Variants in BAG3 observed in about 807,000 individuals in gnomAD.
The protein encoded by BAG3 is BAG family molecular chaperone regulator 3.
In BAG3, 14 loss-of-function variants were observed where a neutral mutation model predicts 40.5. The observed-to-expected ratio is 0.35, with a 90% CI of 0.23 to 0.54. The LOEUF (loss-of-function observed/expected upper bound fraction) is 0.54, where lower values mean the gene tolerates loss of function less well. BAG3 is among the 20% of genes least tolerant of loss of function. BAG3 has a pLI of 0.91. For synonymous variants in BAG3, 302 were observed against 307.8 expected, an observed-to-expected ratio of 0.98 and a Z score of 0.20; for missense variants, 788 against 758.6, an observed-to-expected ratio of 1.04 and a Z score of -0.46.
At chr10:119,661,119 G>C (rs941060586) in intron 1 of BAG3, among the ~76,000 whole-genome samples, 1 of 152,058 alleles carries the variant, frequency 6.6e-6, no homozygotes, top group Non-Finnish European at 1.5e-5. Context: ...AATTAGCTGG[G>C]CGTGGTGGCA....
Position 119,672,121 on chromosome 10 carries a change from A to G in BAG3, c.508-134A>G. The G allele has an allele frequency of 7.7e-7, 1 of 1,299,100 alleles. No homozygotes were observed. Among genetic ancestry groups the G allele is most frequent in the Non-Finnish European group, 1.1e-6 (1 of 915,332 alleles). 80.5% of individuals were successfully genotyped at this position (1,299,100 alleles called of 1,614,324 possible). A position where few individuals can be genotyped will look rare whatever the true frequency, so the allele number is the denominator to read the frequency against. Reference sequence around the variant, plus strand: ...TCTCAGTCTTAACCGCACATTTTGAAAATTGAAAATTACAGATAGGAGGTC... The same window carrying G: ...TCTCAGTCTTAACCGCACATTTTGAGAATTGAAAATTACAGATAGGAGGTC... On this transcript the variant is annotated intron_variant, in intron 2 of 3. Transcript: ENST00000369085. This position sits in a 1 kb window ranked among gnomAD's most constrained non-coding sequence, Gnocchi z 4.8.
intron 1 of BAG3, 78 bp from the exon 2 acceptor site, chr10:119,669,773 C>A: frequency 7.1e-7 from 1 of 1,409,594 alleles, no homozygotes; most frequent in Non-Finnish European, 1.0e-6. Context: ...CAATGCCAAG[C>A]GCCACAGTGT....
intron 1 of BAG3, among the ~76,000 whole-genome samples, chr10:119,666,540 C>G (rs916930674): frequency 5.4e-5 from 2 of 36,844 alleles, no homozygotes; most frequent in African/African-American, 1.0e-4. Context: ...TCAATGGAGG[C>G]ACAAAATGTG....
rs754210695 is a variant in BAG3, at chr10:119,651,658, G to A, written c.-18G>A. ...AGCGCCCCGCACCCGCGCCCCAGCGGGCAGACCCCAACCCAGCATGAGCGC... is the reference window on the plus strand; with the variant it reads ...AGCGCCCCGCACCCGCGCCCCAGCGAGCAGACCCCAACCCAGCATGAGCGC... On this transcript the variant is annotated 5_prime_UTR_variant, in exon 1 of 4. Coordinates refer to ENST00000369085, the MANE Select transcript of BAG3 (RefSeq NM_004281.4). 1.5e-4 allele frequency: 230 copies of A among 1,545,974 alleles called. No homozygotes were observed. The highest frequency in any genetic ancestry group is 1.9e-4 in the Non-Finnish European group (216 of 1,147,056).
chr10:119,654,613 C>T (rs1287332662), intron 1 of BAG3, among the ~76,000 whole-genome samples: 1 of 152,236 alleles, frequency 6.6e-6, no homozygotes, highest in African/African-American at 2.4e-5. Flanking sequence ...TGGGCTTCAT[C>T]CAGCCCCATT....
intron 1 of BAG3, among the ~76,000 whole-genome samples, chr10:119,664,035 C>T (rs1185167638): frequency 1.3e-5 from 2 of 152,130 alleles, no homozygotes; most frequent in African/African-American, 2.4e-5. Context: ...GAGCCACTTC[C>T]GTAACACATG....
Position 119,651,489 on chromosome 10 carries a change from T to G in BAG3, c.-187T>G, listed in dbSNP as rs1846837591. ...CCTTCCCCTCTGGCAGCGAGGAGGC[T>G]ATTTCCAGACACTTCCACCCCTCTC... is the stretch of plus-strand genomic sequence containing the variant. On this transcript the variant is annotated 5_prime_UTR_variant, in exon 1 of 4. Coordinates refer to ENST00000369085, the MANE Select transcript of BAG3 (RefSeq NM_004281.4). 1 of 470,434 alleles carries G rather than the reference T, an allele frequency of 2.1e-6. No homozygotes were observed. The highest frequency in any genetic ancestry group is 3.6e-6 in the Non-Finnish European group (1 of 279,562). The allele number at this position is 470,434 out of a possible 1,614,324, so 29.1% of individuals were successfully genotyped here. A position where few individuals can be genotyped will look rare whatever the true frequency, so the allele number is the denominator to read the frequency against.
Position 119,676,427 on chromosome 10 carries a change from C to A in BAG3, c.910-37C>A. 3 of 1,602,316 alleles carry A rather than the reference C, an allele frequency of 1.9e-6. No individual in the cohort carries two copies. In the South Asian group the frequency reaches 3.3e-5, roughly 18 times the overall value. On this transcript the variant is annotated intron_variant, in intron 3 of 3. Transcript: ENST00000369085. Reference sequence around the variant, plus strand: ...ACAAACAATTTCTGTGACTTTCAGTCAGTTATTAAAAATATATTTTTGTGT... The same window carrying A: ...ACAAACAATTTCTGTGACTTTCAGTAAGTTATTAAAAATATATTTTTGTGT...
chr10:119,654,542 G>A (rs1330647166), intron 1 of BAG3, among the ~76,000 whole-genome samples: 9 of 152,256 alleles, frequency 5.9e-5, no homozygotes, highest in Admixed American at 3.9e-4. Context: ...TCACAGAGGG[G>A]CAGAGCGAAA....
chr10:119,651,401 C>T lies in BAG3; in HGVS notation c.-275C>T. The T allele has an allele frequency of 5.8e-6, 2 of 341,972 alleles. No individual in the cohort carries two copies. The highest frequency in any genetic ancestry group is 8.0e-4 in the Middle Eastern group (1 of 1,254). 21.2% of individuals were successfully genotyped at this position (341,972 alleles called of 1,614,324 possible). A position where few individuals can be genotyped will look rare whatever the true frequency, so the allele number is the denominator to read the frequency against. On this transcript the variant is annotated 5_prime_UTR_variant, in exon 1 of 4. Transcript: ENST00000369085. ...CTCCGCATCCAACCCCGGGCCGCGGCCAACTTCTCTGGACTGGACCAGAAG... is the reference window on the plus strand; with the variant it reads ...CTCCGCATCCAACCCCGGGCCGCGGTCAACTTCTCTGGACTGGACCAGAAG...
intron 1 of BAG3, among the ~76,000 whole-genome samples, chr10:119,653,876 T>C (rs1026583472): frequency 6.6e-6 from 1 of 152,160 alleles, no homozygotes; most frequent in Non-Finnish European, 1.5e-5. Context: ...AACTGAGGCA[T>C]GCAGGCTAGA....
At position 119,676,492 on chromosome 10, in the gene BAG3, C is replaced by G. The variant is rs1446149072; in HGVS notation, c.938C>G (p.Pro313Arg). The G allele has an allele frequency of 6.2e-7, 1 of 1,614,172 alleles. No individual in the cohort carries two copies. Among genetic ancestry groups the G allele is most frequent in the Non-Finnish European group, 8.5e-7 (1 of 1,180,040 alleles). ...CCCATGACCCATCGAGAAACTGCAC[C>G]TGTTTCCCAGCCTGAAAACAAACCA... is the stretch of plus-strand genomic sequence containing the variant. ...QQPMTHRETA[P>R]VSQPENKPES... The change falls in exon 4 of 4, where the codon CCT becomes CGT. Residue 313 changes from proline to arginine, a missense_variant. Pro to Arg is a moderately radical substitution (Grantham distance 103). Coordinates refer to ENST00000369085, the MANE Select transcript of BAG3 (RefSeq NM_004281.4).
chr10:119,676,757 C>A lies in BAG3; in HGVS notation c.1203C>A (p.Ala401=). The change falls in exon 4 of 4, where the codon GCC becomes GCA. Residue 401 remains alanine, a synonymous_variant. Coordinates refer to ENST00000369085, the MANE Select transcript of BAG3 (RefSeq NM_004281.4). ...ATEERAAPST[A]PAEATPPKPG... Reference sequence around the variant, plus strand: ...AAGAGAGGGCAGCCCCCAGCACTGCCCCTGCAGAAGCTACACCTCCAAAAC... The same window carrying A: ...AAGAGAGGGCAGCCCCCAGCACTGCACCTGCAGAAGCTACACCTCCAAAAC... The A allele has an allele frequency of 6.2e-7, 1 of 1,614,122 alleles. No homozygotes were observed. Among genetic ancestry groups the A allele is most frequent in the Non-Finnish European group, 8.5e-7 (1 of 1,180,034 alleles).
Position 119,677,141 on chromosome 10 carries a change from C to T in BAG3, c.1587C>T (p.Ala529=), listed in dbSNP as rs149358702. 437 of 1,614,050 alleles carry T rather than the reference C, an allele frequency of 2.7e-4. 2 individuals are homozygous for T. In the African/African-American group the frequency reaches 5.0e-3, roughly 19 times the overall value. ...TGCAGGCAATCATGGAGATGGGTGC[C>T]GTGGCAGCAGACAAGGGCAAGAAAA... ...QPLQAIMEMG[A]VAADKGKKNA... Residue 529 remains alanine, a synonymous_variant, in exon 4 of 4, where the codon GCC becomes GCT. Transcript: ENST00000369085.
intron 1 of BAG3, among the ~76,000 whole-genome samples, chr10:119,659,266 A>G (rs1432809937): frequency 6.6e-6 from 1 of 152,114 alleles, no homozygotes; most frequent in African/African-American, 2.4e-5. Context: ...TGTGTCCTCC[A>G]CTGTGCTGTG....
chr10:119,671,440 A>T (rs1847148790), intron 2 of BAG3, among the ~76,000 whole-genome samples: 1 of 152,242 alleles, frequency 6.6e-6, no homozygotes, highest in African/African-American at 2.4e-5. Context: ...CTCAATTTCG[A>T]GGTGAATAGA....
Position 119,665,126 on chromosome 10 carries a change from GTA to G in BAG3, c.181-4707_181-4706del, listed in dbSNP as rs71016598. 2.6e-3 allele frequency among the ~76,000 whole-genome samples: 103 copies of G among 39,126 alleles called. 1 individual carries two copies. The highest frequency in any genetic ancestry group is 0.045 in the Middle Eastern group (2 of 44). 25.7% of individuals were successfully genotyped at this position (39,126 alleles called of 152,430 possible). On this transcript the variant is annotated intron_variant, in intron 1 of 3. Coordinates refer to ENST00000369085, the MANE Select transcript of BAG3 (RefSeq NM_004281.4). ...TGTGTGTGTGTGTGTGTGTGTGTGT[GTA>G]TATATATATATATATATTTTTTTTT...
rs1470778691 is a variant in BAG3, at chr10:119,676,923, T to C, written c.1369T>C (p.Tyr457His). 6.2e-7 allele frequency: 1 copy of C among 1,613,658 alleles called. No individual in the cohort carries two copies. The highest frequency in any genetic ancestry group is 8.5e-7 in the Non-Finnish European group (1 of 1,179,936). Residue 457 changes from tyrosine to histidine, a missense_variant, in exon 4 of 4, where the codon TAT (tyrosine) becomes CAT (histidine). Transcript: ENST00000369085. ...TDKKYLMIEE[Y>H]LTKELLALDS... ...CAAAAAGTACCTGATGATCGAAGAG[T>C]ATTTGACCAAAGAGCTGCTGGCCCT...
Position 119,677,515 on chromosome 10 carries a change from G to A in BAG3, c.*233G>A, listed in dbSNP as rs1482231772. On this transcript the variant is annotated 3_prime_UTR_variant, in exon 4 of 4. Coordinates refer to ENST00000369085, the MANE Select transcript of BAG3 (RefSeq NM_004281.4). ...CTTGTTGTTTGAGAAGTTTAACCCC[G>A]TTGCTTGTTGTTCTGCAGCCCTGTC... 15 of 580,058 alleles carry A rather than the reference G, an allele frequency of 2.6e-5. No homozygotes were observed. Among genetic ancestry groups the A allele is most frequent in the African/African-American group, 1.3e-4 (6 of 45,208 alleles). 35.9% of individuals were successfully genotyped at this position (580,058 alleles called of 1,614,324 possible).
Sources: allele counts gnomAD v4.1 joint callset (sites outside exome capture counted in the v4.1 genomes callset), GRCh38; gene constraint gnomAD v4.1.1; non-coding constraint Gnocchi (gnomAD v3.1); transcripts MANE v1.5; gene names NCBI Gene and HGNC (gene_info 2026-07-23, HGNC 2026-07-21).